The following EP400 variants were observed in gnomAD, a reference collection of about 807,000 sequenced individuals.
EP400 encodes the protein E1A-binding protein p400.
Under a neutral mutation model 354.1 loss-of-function variants are expected in EP400, and 105 were observed. The observed-to-expected ratio is 0.30, with a 90% CI of 0.25 to 0.35. The LOEUF (loss-of-function observed/expected upper bound fraction) is 0.35. Ranked by LOEUF, EP400 falls within the 10% of genes least tolerant of loss-of-function variation. EP400 has a pLI of 1.00. For missense variants in EP400, 3,280 were observed against 4,121.0 expected, an observed-to-expected ratio of 0.80 and a Z score of 5.59; for synonymous variants, 1,646 against 1,716.9, an observed-to-expected ratio of 0.96 and a Z score of 1.02.
At chr12:132,069,445 C>G (rs765873539) in intron 50 of EP400, 50 bp from the exon 51 acceptor site, 1 of 1,594,512 alleles carries the variant, frequency 6.3e-7, no homozygotes, top group Non-Finnish European at 8.6e-7. Context: ...TCCCGGGAGT[C>G]TTGAGCGCGG....
chr12:132,032,249 A>G, intron 30 of EP400, 100 bp downstream of exon 30: 1 of 1,361,216 alleles, frequency 7.3e-7, no homozygotes, highest in Non-Finnish European at 1.0e-6. Flanking sequence ...GTCAATGAGA[A>G]GCTTTGCAGG....
chr12:131,984,210 A>G (rs1892777804), intron 5 of EP400, among the ~76,000 whole-genome samples: 1 of 152,106 alleles, frequency 6.6e-6, no homozygotes, highest in South Asian at 2.1e-4. Flanking sequence ...CAGGTTCTTT[A>G]TGTTTGAGAT....
Position 132,077,674 on chromosome 12 carries a change from TCAGGGCAG to T in EP400, c.*8_*15del. 6.2e-7 allele frequency: 1 copy of T among 1,601,204 alleles called. No homozygotes were observed. Reference sequence around the variant, plus strand: ...ACCTACTAAGCCTCCGTGCCAGTAGTCAGGGCAGCAGGGCTGCCTCTCATCTAAAGCAA... The same window carrying T: ...ACCTACTAAGCCTCCGTGCCAGTAGTCAGGGCTGCCTCTCATCTAAAGCAA... On this transcript the variant is annotated 3_prime_UTR_variant, in exon 53 of 53. Transcript: ENST00000389561.
At chr12:131,950,620 C>G (rs892106948) in intron 1 of EP400, among the ~76,000 whole-genome samples, 3 of 152,210 alleles carry the variant, frequency 2.0e-5, no homozygotes, top group Admixed American at 6.5e-5. Context: ...TAGACCTGCC[C>G]GGTCCTCCAC....
rs560891151 is a variant in EP400 at position 132,080,454 on chromosome 12, T to A, written c.*2781T>A. The A allele has an allele frequency of 1.0e-4, 16 of 152,778 alleles. No homozygotes were observed. The highest frequency in any genetic ancestry group is 2.2e-4 in the Non-Finnish European group (15 of 68,030). 9.5% of individuals were successfully genotyped at this position (152,778 alleles called of 1,614,324 possible). On this transcript the variant is annotated 3_prime_UTR_variant, in exon 53 of 53. Coordinates refer to ENST00000389561, the MANE Select transcript of EP400 (RefSeq NM_015409.5). ...CAAAAGGCAAAATAAAGTGACCTTT[T>A]TATATATTTTTTCATTTTGTCTTTC...
chr12:132,056,008 T>C (rs1895498315), intron 45 of EP400, among the ~76,000 whole-genome samples: 1 of 151,736 alleles, frequency 6.6e-6, no homozygotes, highest in Non-Finnish European at 1.5e-5. Context: ...GCGGGCAGTT[T>C]CTACGGAACG....
chr12:132,017,406 C>A lies in EP400; in HGVS notation c.3924-129C>A. On this transcript the variant is annotated intron_variant, in intron 19 of 52. Coordinates refer to ENST00000389561, the MANE Select transcript of EP400 (RefSeq NM_015409.5). This position sits in a 1 kb window ranked among gnomAD's most constrained non-coding sequence, Gnocchi z 5.0. ...GGACTTGAATGGCCACTCTGTCTAACTCATTAAGCGGACCTAGAAAATCTG... is the reference window on the plus strand; with the variant it reads ...GGACTTGAATGGCCACTCTGTCTAAATCATTAAGCGGACCTAGAAAATCTG... 1 of 933,576 alleles carries A rather than the reference C, an allele frequency of 1.1e-6. No individual in the cohort carries two copies. Among genetic ancestry groups the A allele is most frequent in the Non-Finnish European group, 1.6e-6 (1 of 616,992 alleles). The allele number at this position is 933,576 out of a possible 1,614,324, so 57.8% of individuals were successfully genotyped here.
rs536846100 is a variant in EP400 at position 132,038,848 on chromosome 12, T to C, written c.6207+752T>C. 6.6e-6 allele frequency among the ~76,000 whole-genome samples: 1 copy of C among 152,320 alleles called. No individual in the cohort carries two copies. Among genetic ancestry groups the C allele is most frequent in the South Asian group, 2.1e-4 (1 of 4,826 alleles). ...TTTGTTCTCTGAGTCCCCTCCTCCT[T>C]CATGTGGCCCTGCCACTCCTCCAGA... On this transcript the variant is annotated intron_variant, in intron 32 of 52. Transcript: ENST00000389561. The surrounding 1 kb of genome is among the most constrained non-coding windows in gnomAD (Gnocchi z 4.2).
rs1894790127 is a variant in EP400 at position 132,038,544 on chromosome 12, A to G, written c.6207+448A>G. 6.6e-6 allele frequency among the ~76,000 whole-genome samples: 1 copy of G among 152,254 alleles called. No homozygotes were observed. Among genetic ancestry groups the G allele is most frequent in the African/African-American group, 2.4e-5 (1 of 41,466 alleles). On this transcript the variant is annotated intron_variant, in intron 32 of 52. Coordinates refer to ENST00000389561, the MANE Select transcript of EP400 (RefSeq NM_015409.5). The surrounding 1 kb of genome is among the most constrained non-coding windows in gnomAD (Gnocchi z 4.2). ...TGGTTGATTGCAAAGACTGAGTATAAGAAAGAACACAGACTATCACGTTGA... is the reference window on the plus strand; with the variant it reads ...TGGTTGATTGCAAAGACTGAGTATAGGAAAGAACACAGACTATCACGTTGA...
rs1893989915 is a variant in EP400, at chr12:132,017,670, G to C, written c.4059G>C (p.Glu1353Asp). ...CTTCCTACGTGGCGGGGCCACTGGAGTATCCGTCCGCATCTCTAATCCTGA... is the reference window on the plus strand; with the variant it reads ...CTTCCTACGTGGCGGGGCCACTGGACTATCCGTCCGCATCTCTAATCCTGA... Reference protein sequence around the residue: ...PGSSYVAGPLEYPSASLILKA... With the variant: ...PGSSYVAGPLDYPSASLILKA... The change falls in exon 20 of 53, where the codon GAG (glutamate) becomes GAC (aspartate). Residue 1353 changes from glutamate to aspartate, a missense_variant. Glu to Asp is a conservative substitution (Grantham distance 45). This residue lies in a region of EP400 where 342 missense variants were observed against 342.7 expected (regional missense o/e 1.00). Transcript: ENST00000389561. The surrounding 1 kb of genome is among the most constrained non-coding windows in gnomAD (Gnocchi z 5.0). The C allele has an allele frequency of 1.3e-6, 2 of 1,584,258 alleles. No homozygotes were observed. Among genetic ancestry groups the C allele is most frequent in the Non-Finnish European group, 1.7e-6 (2 of 1,163,708 alleles).
At chr12:132,006,384 T>A in intron 14 of EP400, 82 bp downstream of exon 14, 1 of 1,476,444 alleles carries the variant, frequency 6.8e-7, no homozygotes, top group Admixed American at 2.2e-5. Context: ...GCTTTTCCTC[T>A]TCCCAGTGAA....
In EP400 at chr12:132,043,391, T is replaced by G; in HGVS notation, c.6295T>G (p.Ser2099Ala). 6.2e-7 allele frequency: 1 copy of G among 1,613,886 alleles called. No homozygotes were observed. Among genetic ancestry groups the G allele is most frequent in the South Asian group, 1.1e-5 (1 of 91,058 alleles). Residue 2099 changes from serine to alanine, a missense_variant, in exon 33 of 53, where the codon TCA becomes GCA. Transcript: ENST00000389561. ...GGGACCACACACTGATGCTCTGTCATCAGACTCTGAGAACATGCCGTGTGA... is the reference window on the plus strand; with the variant it reads ...GGGACCACACACTGATGCTCTGTCAGCAGACTCTGAGAACATGCCGTGTGA... ...VLGPHTDALS[S>A]DSENMPCDEE... is the part of the protein sequence containing the mutation.
At chr12:132,003,233 C>A (rs138896740) in intron 12 of EP400, among the ~76,000 whole-genome samples, 69 of 148,970 alleles carry the variant, frequency 4.6e-4, no homozygotes, top group African/African-American at 1.5e-3. Flanking sequence ...CCCCCCAAAC[C>A]AAATAAGCCA....
At chr12:131,966,145 T>C (rs1892071614) in intron 2 of EP400, among the ~76,000 whole-genome samples, 1 of 151,956 alleles carries the variant, frequency 6.6e-6, no homozygotes, top group Non-Finnish European at 1.5e-5. Context: ...ATCCCAGCAC[T>C]TTGGGATGCT....
Position 131,960,707 on chromosome 12 carries a change from G to GGGGGCCCCCCC in EP400, c.88_89insGGGGCCCCCCC (p.Ala30GlyfsTer36). 1 of 1,545,588 alleles carries GGGGGCCCCCCC rather than the reference G, an allele frequency of 6.5e-7. No homozygotes were observed. Among genetic ancestry groups the GGGGGCCCCCCC allele is most frequent in the Non-Finnish European group, 8.7e-7 (1 of 1,146,244 alleles). ...TGGCAGCGAGGGTGAGGAGCAGCCG[G>GGGGGCCCCCCC]CCCACCCCAACCCACCCCCGTCCCC... On this transcript the variant is annotated frameshift_variant, in exon 2 of 53. Transcript: ENST00000389561. LOFTEE classifies it high-confidence loss of function.
chr12:132,066,469 G>T, intron 48 of EP400: 1 of 329,000 alleles, frequency 3.0e-6, no homozygotes, highest in Non-Finnish European at 5.5e-6. Flanking sequence ...GACAGGATGC[G>T]GTTACTGGTT....
At chr12:131,983,930 T>C (rs1386390964) in intron 5 of EP400, among the ~76,000 whole-genome samples, 1 of 151,844 alleles carries the variant, frequency 6.6e-6, no homozygotes, top group African/African-American at 2.4e-5. Flanking sequence ...AGACGGAGTT[T>C]CGCTCTTGTT....
intron 30 of EP400, among the ~76,000 whole-genome samples, chr12:132,033,782 T>C (rs1894603456): frequency 6.6e-6 from 1 of 152,182 alleles, no homozygotes; most frequent in Admixed American, 6.5e-5. Flanking sequence ...TCAGCCCGCC[T>C]CAGCCTCCCA....
At chr12:132,003,595 A>C (rs1230885036) in intron 12 of EP400, among the ~76,000 whole-genome samples, 1 of 152,140 alleles carries the variant, frequency 6.6e-6, no homozygotes, top group Non-Finnish European at 1.5e-5. Context: ...ACCTTACAGA[A>C]TTATCTTCTT....
Sources: allele counts gnomAD v4.1 joint callset (sites outside exome capture counted in the v4.1 genomes callset), GRCh38; gene constraint gnomAD v4.1.1; regional missense constraint gnomAD v4.1.1; non-coding constraint Gnocchi (gnomAD v3.1); transcripts MANE v1.5; gene names NCBI Gene and HGNC (gene_info 2026-07-23, HGNC 2026-07-21).